Variants in TRIM36 observed in about 807,000 individuals in gnomAD.
TRIM36 encodes the protein tripartite motif containing 36, also known as E3 ubiquitin-protein ligase TRIM36.
Under a neutral mutation model 72.4 loss-of-function variants are expected in TRIM36, and 42 were observed. The ratio of observed to expected loss-of-function variants is 0.58; its 90% CI spans 0.45 to 0.75. TRIM36 has a LOEUF of 0.75. TRIM36 is among the 30% of genes least tolerant of loss of function. The probability of loss-of-function intolerance (pLI) is 0.00; values close to 1 mark genes in which losing one functional copy is unlikely to be tolerated. For synonymous variants in TRIM36, 315 were observed against 282.8 expected, an observed-to-expected ratio of 1.11 and a Z score of -1.14; for missense variants, 913 against 857.1, an observed-to-expected ratio of 1.07 and a Z score of -0.81.
Position 115,126,865 on chromosome 5 carries a change from A to C in TRIM36, c.1797-8T>G. The C allele has an allele frequency of 6.3e-7, 1 of 1,598,916 alleles. No homozygotes were observed. ...CCACTGTCTTGCTCATATCTGAAACATAATACAAAGCATCTGTATCTTCAA... is the reference window on the plus strand; with the variant it reads ...CCACTGTCTTGCTCATATCTGAAACCTAATACAAAGCATCTGTATCTTCAA... On this transcript the variant is annotated splice_polypyrimidine_tract_variant and splice_region_variant and intron_variant, in intron 9 of 9. Coordinates refer to ENST00000513154, the MANE Select transcript of TRIM36 (RefSeq NM_001300759.2).
chr5:115,132,209 T>C (rs949520878), intron 8 of TRIM36, among the ~76,000 whole-genome samples: 3 of 103,042 alleles, frequency 2.9e-5, no homozygotes, highest in African/African-American at 9.1e-5. Context: ...TGTGTGTATA[T>C]ATATATATAC....
At chr5:115,141,425 G>C in intron 4 of TRIM36, 51 bp from the exon 5 acceptor site, 1 of 1,356,446 alleles carries the variant, frequency 7.4e-7, no homozygotes, top group Non-Finnish European at 1.0e-6. Flanking sequence ...GTTTAGCAAA[G>C]ACTTTGCAGA....
At chr5:115,165,860 C>A (rs1426672905) in intron 1 of TRIM36, among the ~76,000 whole-genome samples, 1 of 152,144 alleles carries the variant, frequency 6.6e-6, no homozygotes, top group African/African-American at 2.4e-5. Context: ...TCTCCCCATT[C>A]CCAGTGCCCA....
At chr5:115,137,292 A>C (rs1298328512) in intron 6 of TRIM36, 71 bp downstream of exon 6, 1 of 1,534,924 alleles carries the variant, frequency 6.5e-7, no homozygotes, top group Non-Finnish European at 8.7e-7. Flanking sequence ...ATCAGAGCTA[A>C]AGTGAGAATA....
chr5:115,164,311 T>A (rs1252279467), intron 1 of TRIM36, among the ~76,000 whole-genome samples: 1 of 152,236 alleles, frequency 6.6e-6, no homozygotes, highest in African/African-American at 2.4e-5. Context: ...GAGGTTCTCA[T>A]GCTGTATATC....
At chr5:115,178,281 A>T (rs954904434) in intron 1 of TRIM36, among the ~76,000 whole-genome samples, 4 of 152,186 alleles carry the variant, frequency 2.6e-5, no homozygotes, top group Non-Finnish European at 5.9e-5. Context: ...TCTCCATCCT[A>T]TCAAGAGTAG....
chr5:115,175,747 C>T (rs555190877), intron 1 of TRIM36, among the ~76,000 whole-genome samples: 13 of 152,006 alleles, frequency 8.6e-5, no homozygotes, highest in African/African-American at 3.1e-4. Flanking sequence ...TTACAAAAAT[C>T]TAAATCTTCT....
Position 115,152,633 on chromosome 5 carries a change from C to T in TRIM36, c.263-5239G>A, listed in dbSNP as rs76892070. Reference sequence around the variant, plus strand: ...GCTGTGACACAAAAGTACCAGGTAACCTAGGGAAAACCTATCAGATTAACA... The same window carrying T: ...GCTGTGACACAAAAGTACCAGGTAATCTAGGGAAAACCTATCAGATTAACA... On this transcript the variant is annotated intron_variant, in intron 2 of 9. Transcript: ENST00000513154. Among the ~76,000 whole-genome samples the T allele has an allele frequency of 2.1e-3, 314 of 152,202 alleles. 3 individuals carry two copies. The highest frequency in any genetic ancestry group is 7.3e-3 in the African/African-American group (305 of 41,514).
At chr5:115,158,466 A>ACTT (rs1260961868) in intron 2 of TRIM36, among the ~76,000 whole-genome samples, 1 of 152,216 alleles carries the variant, frequency 6.6e-6, no homozygotes, top group Non-Finnish European at 1.5e-5. Flanking sequence ...TCAGTTCATA[A>ACTT]CTAACAGGTT....
rs1752632099 is a variant in TRIM36, at chr5:115,130,752, T to G, written c.1636A>C (p.Thr546Pro). The G allele has an allele frequency of 6.2e-7, 1 of 1,614,046 alleles. No individual in the cohort carries two copies. The highest frequency in any genetic ancestry group is 1.3e-5 in the African/African-American group (1 of 74,934). Residue 546 changes from threonine (T) to proline (P), a missense_variant, in exon 9 of 10, where the codon ACA becomes CCA. Physicochemically the swap from Thr to Pro is conservative, Grantham distance 38. Coordinates refer to ENST00000513154, the MANE Select transcript of TRIM36 (RefSeq NM_001300759.2). ...AAERIQVGYY[T>P]SLDYIIGDTG... ...TCTCCAATGATGTAGTCTAAGCTTG[T>G]GTAATAACCCACTTGGATGCGTTCT...
In TRIM36 at chr5:115,125,895, A is replaced by T. The variant is rs1752339655; in HGVS notation, c.*608T>A. On this transcript the variant is annotated 3_prime_UTR_variant, in exon 10 of 10. Coordinates refer to ENST00000513154, the MANE Select transcript of TRIM36 (RefSeq NM_001300759.2). ...CCTTAGCAATACAGTTTGTGGTCTTAACAAAACAAAACAGTAGTATTCCTT... is the reference window on the plus strand; with the variant it reads ...CCTTAGCAATACAGTTTGTGGTCTTTACAAAACAAAACAGTAGTATTCCTT... 1 of 152,216 alleles carries T rather than the reference A, an allele frequency of 6.6e-6. No homozygotes were observed. Among genetic ancestry groups the T allele is most frequent in the Non-Finnish European group, 1.5e-5 (1 of 68,044 alleles). The allele number at this position is 152,216 out of a possible 1,614,324, so 9.4% of individuals were successfully genotyped here. A position where few individuals can be genotyped will look rare whatever the true frequency, so the allele number is the denominator to read the frequency against.
intron 1 of TRIM36, among the ~76,000 whole-genome samples, chr5:115,176,730 A>G (rs1755357629): frequency 6.6e-6 from 1 of 152,244 alleles, no homozygotes; most frequent in Non-Finnish European, 1.5e-5. Flanking sequence ...AGACCAAAAC[A>G]GTTGGAAAAT....
At position 115,126,653 on chromosome 5, in the gene TRIM36, G is replaced by T; in HGVS notation, c.2001C>A (p.Phe667Leu). 2 of 1,614,120 alleles carry T rather than the reference G, an allele frequency of 1.2e-6. No individual in the cohort carries two copies. Among genetic ancestry groups the T allele is most frequent in the East Asian group, 2.2e-5 (1 of 44,872 alleles). ...GGCATTTCATCTGATCCATATCATA[G>T]AAATCTACTTTGCCTTTATCACAGT... ...FLDCDKGKVD[F>L]YDMDQMKCLY... Residue 667 changes from phenylalanine to leucine, a missense_variant, in exon 10 of 10, where the codon TTC (phenylalanine) becomes TTA (leucine). Phe to Leu is a conservative substitution (Grantham distance 22). Coordinates refer to ENST00000513154, the MANE Select transcript of TRIM36 (RefSeq NM_001300759.2).
At chr5:115,167,640 T>C (rs1342079699) in intron 1 of TRIM36, among the ~76,000 whole-genome samples, 1 of 152,236 alleles carries the variant, frequency 6.6e-6, no homozygotes, top group Non-Finnish European at 1.5e-5. Context: ...TCCATACCAC[T>C]AGCAGAATTT....
intron 2 of TRIM36, among the ~76,000 whole-genome samples, chr5:115,162,050 C>T (rs1754514685): frequency 6.6e-6 from 1 of 152,122 alleles, no homozygotes; most frequent in Non-Finnish European, 1.5e-5. Context: ...ATCTGCCTTC[C>T]TATTCCATCT....
intron 1 of TRIM36, among the ~76,000 whole-genome samples, chr5:115,176,512 T>G (rs967019759): frequency 2.5e-5 from 3 of 119,760 alleles, no homozygotes; most frequent in African/African-American, 1.4e-4. Context: ...CTGAAACCAT[T>G]ATGCTCTTAG....
At chr5:115,173,546 G>A (rs571559499), upstream of TRIM36, among the ~76,000 whole-genome samples, 75 of 152,146 alleles carry the variant, frequency 4.9e-4, 1 homozygote, top group Middle Eastern at 3.4e-3. Context: ...GTGTGTGTGC[G>A]CGCACGCATG....
At chr5:115,146,926 C>CT (rs1299675909) in intron 3 of TRIM36, 143 bp downstream of exon 3, 1 of 879,466 alleles carries the variant, frequency 1.1e-6, no homozygotes, top group Non-Finnish European at 1.7e-6. Flanking sequence ...CCAACTAGGC[C>CT]TTAAGTTCTT....
intron 2 of TRIM36, among the ~76,000 whole-genome samples, chr5:115,150,844 G>C (rs1162901333): frequency 4.6e-5 from 7 of 152,212 alleles, no homozygotes; most frequent in Non-Finnish European, 8.8e-5. Context: ...AGAGCTGAGT[G>C]AAATACAAGG....
Sources: allele counts gnomAD v4.1 joint callset (sites outside exome capture counted in the v4.1 genomes callset), GRCh38; gene constraint gnomAD v4.1.1; transcripts MANE v1.5; gene names NCBI Gene and HGNC (gene_info 2026-07-23, HGNC 2026-07-21).